Variants in CHD6 observed in about 807,000 individuals in gnomAD.
The protein encoded by CHD6 is ATP-dependent chromatin remodeler CHD6.
Under a neutral mutation model 276.9 loss-of-function variants are expected in CHD6, and 50 were observed. The observed-to-expected ratio is 0.18, with a 90% confidence interval of 0.14 to 0.23. CHD6 has a LOEUF of 0.23. Among genes scored for constraint, CHD6 ranks in the 10% least tolerant of loss-of-function variants. The probability of loss-of-function intolerance (pLI) is 1.00; values close to 1 mark genes in which losing one functional copy is unlikely to be tolerated. For missense variants in CHD6, 2,564 were observed against 3,365.8 expected, an observed-to-expected ratio of 0.76 and a Z score of 5.89; for synonymous variants, 1,173 against 1,229.3, an observed-to-expected ratio of 0.95 and a Z score of 0.96.
At chr20:41,517,881 T>C (rs865835614) in intron 3 of CHD6, among the ~76,000 whole-genome samples, 1 of 152,260 alleles carries the variant, frequency 6.6e-6, no homozygotes, top group African/African-American at 2.4e-5. Flanking sequence ...CCAAGTCATG[T>C]ATTTTGCCTC....
intron 5 of CHD6, among the ~76,000 whole-genome samples, chr20:41,503,763 C>T (rs2043896188): frequency 6.6e-6 from 1 of 152,062 alleles, no homozygotes; most frequent in Non-Finnish European, 1.5e-5. Flanking sequence ...TCCTCTATCC[C>T]TAGCACTCCA....
At chr20:41,440,222 A>G (rs2047857249) in intron 25 of CHD6, 93 bp from the exon 26 acceptor site, 1 of 1,143,202 alleles carries the variant, frequency 8.7e-7, no homozygotes, top group Admixed American at 2.1e-5. Context: ...TATTTAGTAA[A>G]GAACAAAACA....
chr20:41,573,493 A>T (rs563254632), intron 1 of CHD6, among the ~76,000 whole-genome samples: 1 of 152,356 alleles, frequency 6.6e-6, no homozygotes, highest in African/African-American at 2.4e-5. Flanking sequence ...ATTGCAGATT[A>T]TTGTGATTAA....
chr20:41,555,320 C>T (rs1218001297), intron 1 of CHD6, among the ~76,000 whole-genome samples: 38 of 139,590 alleles, frequency 2.7e-4, no homozygotes, highest in African/African-American at 7.0e-4. Context: ...CGGGCAGAGG[C>T]GCCCCTCACC....
chr20:41,483,206 T>C, intron 16 of CHD6, 103 bp downstream of exon 16: 1 of 999,578 alleles, frequency 1.0e-6, no homozygotes, highest in South Asian at 1.8e-5. Context: ...TCCTCCGTTT[T>C]TGAATGTTTT....
intron 2 of CHD6, among the ~76,000 whole-genome samples, chr20:41,536,286 A>C (rs1276589941): frequency 6.6e-6 from 1 of 152,230 alleles, no homozygotes; most frequent in Non-Finnish European, 1.5e-5. Flanking sequence ...ACAGGAATGA[A>C]ATGGACAGGT....
In CHD6 at chr20:41,421,500, A is replaced by C. The variant is rs780600142; in HGVS notation, c.5135T>G (p.Val1712Gly). 2 of 1,612,974 alleles carry C rather than the reference A, an allele frequency of 1.2e-6. No homozygotes were observed. Among genetic ancestry groups the C allele is most frequent in the South Asian group, 2.2e-5 (2 of 90,734 alleles). The change falls in exon 31 of 37, where the codon GTG becomes GGG. Residue 1712 changes from valine (V) to glycine (G), a missense_variant. Val to Gly is a moderately radical substitution (Grantham distance 109). This residue lies in a region of CHD6 where 1,024 missense variants were observed against 1,047.9 expected (regional missense o/e 0.98). Transcript: ENST00000373233. The part of the protein sequence containing the change: ...SLESMMYGKK[V>G]LSQEPSSFQE... Reference sequence around the variant, plus strand: ...AAAAGAGCTTGGTTCTTGGCTGAGCACCTTCTTACCATACATCATGCTCTC... The same window carrying C: ...AAAAGAGCTTGGTTCTTGGCTGAGCCCCTTCTTACCATACATCATGCTCTC...
chr20:41,609,990 G>A (rs1342007566), intron 1 of CHD6, among the ~76,000 whole-genome samples: 1 of 151,494 alleles, frequency 6.6e-6, no homozygotes, highest in Non-Finnish European at 1.5e-5. Flanking sequence ...CCAAGTAGCT[G>A]GGATTACAGG....
At chr20:41,526,827 G>T (rs2044550591) in intron 3 of CHD6, among the ~76,000 whole-genome samples, 1 of 152,120 alleles carries the variant, frequency 6.6e-6, no homozygotes, top group Non-Finnish European at 1.5e-5. Context: ...TTTCTCAAAG[G>T]ATAATCTAAG....
At chr20:41,495,509 G>A (rs779937257) in intron 8 of CHD6, among the ~76,000 whole-genome samples, 7 of 152,132 alleles carry the variant, frequency 4.6e-5, no homozygotes, top group Non-Finnish European at 1.0e-4. Flanking sequence ...CAGTTACGCA[G>A]GATGAATAAG....
At chr20:41,411,123 G>C (rs1278989278) in intron 36 of CHD6, among the ~76,000 whole-genome samples, 1 of 152,084 alleles carries the variant, frequency 6.6e-6, no homozygotes, top group African/African-American at 2.4e-5. Flanking sequence ...AAACTGTCTA[G>C]GGCCCAAGTC....
chr20:41,585,161 A>G (rs560116838), intron 1 of CHD6, among the ~76,000 whole-genome samples: 52 of 152,348 alleles, frequency 3.4e-4, no homozygotes, highest in African/African-American at 1.1e-3. Flanking sequence ...TTGAACTTAG[A>G]TAAGTTGAAT....
intron 23 of CHD6, among the ~76,000 whole-genome samples, chr20:41,450,225 T>C (rs2048194072): frequency 6.6e-6 from 1 of 152,152 alleles, no homozygotes; most frequent in Non-Finnish European, 1.5e-5. Context: ...ACCTATAAAG[T>C]AATAAACTCT....
In CHD6 at chr20:41,452,951, G is replaced by A; in HGVS notation, c.3121-9C>T. ...TCGATCACTAAGCTTTCCTAGAAATGGAGAGGACTACTGGGAAGAAAGTCC... is the reference window on the plus strand; with the variant it reads ...TCGATCACTAAGCTTTCCTAGAAATAGAGAGGACTACTGGGAAGAAAGTCC... On this transcript the variant is annotated splice_polypyrimidine_tract_variant and intron_variant, in intron 20 of 36. Coordinates refer to ENST00000373233, the MANE Select transcript of CHD6 (RefSeq NM_032221.5). The surrounding 1 kb of genome is among the most constrained non-coding windows in gnomAD (Gnocchi z 4.2). 1 of 1,609,770 alleles carries A rather than the reference G, an allele frequency of 6.2e-7. No homozygotes were observed. The highest frequency in any genetic ancestry group is 8.5e-7 in the Non-Finnish European group (1 of 1,176,268).
At chr20:41,562,874 A>AT (rs570933363) in intron 1 of CHD6, among the ~76,000 whole-genome samples, 1 of 152,302 alleles carries the variant, frequency 6.6e-6, no homozygotes, top group East Asian at 1.9e-4. Flanking sequence ...ACACAGCTGT[A>AT]AAGCTTGGAC....
intron 16 of CHD6, among the ~76,000 whole-genome samples, chr20:41,475,189 C>T (rs926713185): frequency 1.3e-5 from 2 of 152,194 alleles, no homozygotes; most frequent in Non-Finnish European, 2.9e-5. Flanking sequence ...CCCTGTGGTA[C>T]ATGCTTGGTA....
chr20:41,617,382 CAAATAT>C (rs1010252744), intron 1 of CHD6, among the ~76,000 whole-genome samples: 18 of 152,166 alleles, frequency 1.2e-4, no homozygotes, highest in African/African-American at 4.3e-4. Context: ...TTTATGTACA[CAAATAT>C]AAAGTGCCTG....
chr20:41,581,000 CTTAA>C (rs1313976059), intron 1 of CHD6, among the ~76,000 whole-genome samples: 1 of 152,164 alleles, frequency 6.6e-6, no homozygotes, highest in African/African-American at 2.4e-5. Context: ...TGGTTACTTC[CTTAA>C]TTAATACAGA....
chr20:41,454,761 A>C, intron 19 of CHD6, 25 bp from the exon 20 acceptor site: 1 of 1,542,978 alleles, frequency 6.5e-7, no homozygotes, highest in Middle Eastern at 1.7e-4. Flanking sequence ...AGAATTAATA[A>C]ACTGTGCTTG....
Sources: allele counts gnomAD v4.1 joint callset (sites outside exome capture counted in the v4.1 genomes callset), GRCh38; gene constraint gnomAD v4.1.1; regional missense constraint gnomAD v4.1.1; non-coding constraint Gnocchi (gnomAD v3.1); transcripts MANE v1.5; gene names NCBI Gene and HGNC (gene_info 2026-07-23, HGNC 2026-07-21).